FILIP1: variants seen among roughly 807,000 people sequenced by gnomAD.
FILIP1 encodes the protein filamin-A-interacting protein 1.
A neutral mutation model predicts 102.1 loss-of-function variants in FILIP1; 61 were observed. The ratio of observed to expected loss-of-function variants is 0.60; its 90% CI spans 0.49 to 0.74. FILIP1 has a LOEUF of 0.74. Among genes scored for constraint, FILIP1 ranks in the 30% least tolerant of loss-of-function variants. The pLI, the probability that FILIP1 is intolerant of heterozygous loss-of-function variation, is 0.00. For synonymous variants in FILIP1, 491 were observed against 526.9 expected, an observed-to-expected ratio of 0.93 and a Z score of 0.93; for missense variants, 1,314 against 1,441.2, an observed-to-expected ratio of 0.91 and a Z score of 1.43.
chr6:75,412,688 T>C (rs146968428), intron 2 of FILIP1, among the ~76,000 whole-genome samples: 2 of 152,322 alleles, frequency 1.3e-5, no homozygotes, highest in East Asian at 1.9e-4. Context: ...GTTCTAAATA[T>C]AGGAGCTTTC....
rs533160566 is a variant in FILIP1 at position 75,322,213 on chromosome 6, C to CT, written c.630-7012dup. ...ATAATGCCTATGGCATATTACATCT[C>CT]TTTTTTTTTCAACAATTTCCTAATA... On this transcript the variant is annotated intron_variant, in intron 4 of 5. Transcript: ENST00000237172. 4.5e-4 allele frequency among the ~76,000 whole-genome samples: 68 copies of CT among 151,550 alleles called. No individual in the cohort carries two copies. The South Asian group carries it at 9.2e-3, about 21-fold the overall frequency.
At chr6:75,394,649 C>T (rs899064282) in intron 2 of FILIP1, among the ~76,000 whole-genome samples, 3 of 152,058 alleles carry the variant, frequency 2.0e-5, no homozygotes, top group African/African-American at 7.2e-5. Context: ...ACAGAAAAAG[C>T]AATACAAATG....
intron 1 of FILIP1, among the ~76,000 whole-genome samples, chr6:75,426,085 G>C (rs1057406792): frequency 3.9e-5 from 6 of 152,240 alleles, no homozygotes; most frequent in African/African-American, 1.4e-4. Flanking sequence ...ATACATGAAT[G>C]GGTGTGGCTG....
At chr6:75,316,945 T>G (rs1033451509) in intron 4 of FILIP1, among the ~76,000 whole-genome samples, 1 of 152,234 alleles carries the variant, frequency 6.6e-6, no homozygotes, top group Non-Finnish European at 1.5e-5. Flanking sequence ...ATTTTCAAAT[T>G]CCTTGCCCTT....
At chr6:75,385,635 T>C (rs1183399135) in intron 2 of FILIP1, 1 of 152,194 alleles carries the variant, frequency 6.6e-6, no homozygotes, top group Non-Finnish European at 1.5e-5. Context: ...ATTATTTATA[T>C]CATGCCTTCT....
chr6:75,317,671 C>T (rs1027455463), intron 4 of FILIP1, among the ~76,000 whole-genome samples: 3 of 152,186 alleles, frequency 2.0e-5, no homozygotes, highest in South Asian at 2.1e-4. Flanking sequence ...CCACATTTTT[C>T]ACGTTCTCCT....
chr6:75,361,663 A>G (rs886685292), intron 3 of FILIP1, among the ~76,000 whole-genome samples: 1 of 152,144 alleles, frequency 6.6e-6, no homozygotes, highest in East Asian at 1.9e-4. Context: ...GCTTTATTAA[A>G]CCCTCACAGC....
At chr6:75,392,376 T>C (rs2951937) in intron 2 of FILIP1, among the ~76,000 whole-genome samples, 112,929 of 151,962 alleles carry the variant, frequency 0.74, 42,557 homozygotes, top group African/African-American at 0.88. Flanking sequence ...AATCTGAAAC[T>C]TCCTGTGCAG....
In FILIP1 at chr6:75,414,733, G is replaced by T. The variant is rs765069686; in HGVS notation, c.240C>A (p.Leu80=). 8 of 1,613,806 alleles carry T rather than the reference G, an allele frequency of 5.0e-6. No homozygotes were observed. The South Asian group carries it at 7.7e-5, about 16-fold the overall frequency. The change falls in exon 2 of 6, where the codon CTC becomes CTA. Residue 80 remains leucine, a synonymous_variant. Transcript: ENST00000237172. ...CTTCCATTATACTGAGTAGTTGGAT[G>T]AGGTCTTCTTTGGATAACTCCAGGG... The part of the protein sequence containing the change: ...KKSLELSKED[L]IQLLSIMEGE...
At chr6:75,380,708 T>G (rs1485449513) in intron 2 of FILIP1, among the ~76,000 whole-genome samples, 1 of 152,054 alleles carries the variant, frequency 6.6e-6, no homozygotes, top group Non-Finnish European at 1.5e-5. Context: ...AATATCTGAG[T>G]AAAATACAGT....
intron 1 of FILIP1, among the ~76,000 whole-genome samples, chr6:75,478,777 T>C (rs528088186): frequency 6.6e-6 from 1 of 152,292 alleles, no homozygotes; most frequent in East Asian, 1.9e-4. Flanking sequence ...TTAGAGTCAA[T>C]TATCTTTTAG....
intron 1 of FILIP1, among the ~76,000 whole-genome samples, chr6:75,437,200 A>G (rs932810888): frequency 6.6e-5 from 10 of 152,216 alleles, no homozygotes; most frequent in African/African-American, 2.4e-4. Flanking sequence ...CCACAGTATT[A>G]TGGCTGGTTC....
At chr6:75,307,074 A>T (rs953826793), downstream of FILIP1, among the ~76,000 whole-genome samples, 1 of 152,190 alleles carries the variant, frequency 6.6e-6, no homozygotes, top group Non-Finnish European at 1.5e-5. Context: ...AAGTGCTGGG[A>T]TTACAGGCAT....
downstream of FILIP1, among the ~76,000 whole-genome samples, chr6:75,306,964 G>A (rs1273513507): frequency 2.6e-5 from 4 of 151,896 alleles, no homozygotes; most frequent in Non-Finnish European, 5.9e-5. Flanking sequence ...CCCCACACTC[G>A]GCTAATTTTT....
At chr6:75,472,788 A>T (rs2149766393) in intron 1 of FILIP1, among the ~76,000 whole-genome samples, 1 of 152,264 alleles carries the variant, frequency 6.6e-6, no homozygotes, top group African/African-American at 2.4e-5. Context: ...GGATTTATTT[A>T]AGAAGAAATA....
At chr6:75,426,498 C>A (rs1777630787) in intron 1 of FILIP1, among the ~76,000 whole-genome samples, 1 of 152,054 alleles carries the variant, frequency 6.6e-6, no homozygotes, top group Admixed American at 6.6e-5. Flanking sequence ...ACTAAGTATA[C>A]AGAGGAGATA....
intron 2 of FILIP1, among the ~76,000 whole-genome samples, chr6:75,369,663 C>T (rs571136127): frequency 2.6e-5 from 4 of 152,224 alleles, no homozygotes; most frequent in South Asian, 4.1e-4. Flanking sequence ...ACTTCTAAAA[C>T]GGGGATGGAA....
rs118186124 is a variant in FILIP1 at position 75,387,027 on chromosome 6, C to G, written c.277-24110G>C. ...AATGCTATCCTCCCCTTGCCCCCCA[C>G]CCACCAACAGGCCCCGGTGTGTGAT... is the stretch of plus-strand genomic sequence containing the variant. On this transcript the variant is annotated intron_variant, in intron 2 of 5. Transcript: ENST00000237172. Among the ~76,000 whole-genome samples, 1,117 of 152,160 alleles carry G rather than the reference C, an allele frequency of 7.3e-3. 37 individuals carry two copies. The East Asian group carries it at 0.11, about 14-fold the overall frequency.
chr6:75,377,682 C>T (rs1775790382), intron 2 of FILIP1, among the ~76,000 whole-genome samples: 1 of 152,182 alleles, frequency 6.6e-6, no homozygotes, highest in Non-Finnish European at 1.5e-5. Flanking sequence ...AGTGGGTGCT[C>T]AGTAAACATT....
Sources: gnomAD v4.1 joint callset for allele counts (sites outside exome capture counted in the v4.1 genomes callset) on GRCh38, gnomAD v4.1.1 for gene constraint, MANE v1.5 for transcripts, NCBI Gene and HGNC (gene_info 2026-07-23, HGNC 2026-07-21) for gene names.